ADAM18: variants seen among roughly 807,000 people sequenced by gnomAD.
ADAM18 encodes disintegrin and metalloproteinase domain-containing protein 18.
A neutral mutation model predicts 94.4 loss-of-function variants in ADAM18; 117 were observed. That is an observed-to-expected ratio of 1.24 (90% CI 1.07 to 1.45). The LOEUF (loss-of-function observed/expected upper bound fraction) is 1.45, where lower values mean the gene tolerates loss of function less well. ADAM18 is among the 40% of genes most tolerant of loss of function. ADAM18 has a pLI of 0.00. For synonymous variants in ADAM18, 327 were observed against 291.6 expected, an observed-to-expected ratio of 1.12 and a Z score of -1.24; for missense variants, 936 against 880.0, an observed-to-expected ratio of 1.06 and a Z score of -0.81.
chr8:39,597,011 G>T (rs916593685), intron 2 of ADAM18, among the ~76,000 whole-genome samples: 1 of 152,254 alleles, frequency 6.6e-6, no homozygotes, highest in South Asian at 2.1e-4. Context: ...CCTTATGGAT[G>T]CACAGCCTCC....
At chr8:39,672,250 A>G (rs1821177044) in intron 14 of ADAM18, among the ~76,000 whole-genome samples, 1 of 152,192 alleles carries the variant, frequency 6.6e-6, no homozygotes, top group South Asian at 2.1e-4. Context: ...TGCTAGAGAA[A>G]GGGATACCAT....
In ADAM18 at chr8:39,680,882, C is replaced by T. The variant is rs111702101; in HGVS notation, c.1821+656C>T. 2.5e-3 allele frequency among the ~76,000 whole-genome samples: 382 copies of T among 152,134 alleles called. 4 individuals are homozygous for T. The highest frequency in any genetic ancestry group is 8.7e-3 in the African/African-American group (362 of 41,510). Reference sequence around the variant, plus strand: ...AATGTCATTTGGTGCTTATTTGATGCGTAAAAATAAAACAAAACCTAGAAA... The same window carrying T: ...AATGTCATTTGGTGCTTATTTGATGTGTAAAAATAAAACAAAACCTAGAAA... On this transcript the variant is annotated intron_variant, in intron 16 of 19. Coordinates refer to ENST00000265707, the MANE Select transcript of ADAM18 (RefSeq NM_014237.3).
At chr8:39,600,335 CTT>C (rs1188665542) in intron 2 of ADAM18, among the ~76,000 whole-genome samples, 1 of 152,072 alleles carries the variant, frequency 6.6e-6, no homozygotes, top group East Asian at 1.9e-4. Context: ...TATCTAAAAA[CTT>C]GAGAAGTTGT....
intron 16 of ADAM18, among the ~76,000 whole-genome samples, chr8:39,682,644 C>T (rs75875171): frequency 6.6e-6 from 1 of 151,980 alleles, no homozygotes; most frequent in Non-Finnish European, 1.5e-5. Context: ...AATCCCCCCC[C>T]ACACACACTT....
At chr8:39,640,559 G>C (rs1820208994) in intron 10 of ADAM18, among the ~76,000 whole-genome samples, 1 of 152,104 alleles carries the variant, frequency 6.6e-6, no homozygotes, top group South Asian at 2.1e-4. Context: ...TGGGATTCAT[G>C]AGTCAAATGG....
chr8:39,611,046 C>T lies in ADAM18; in HGVS notation c.522+340C>T, dbSNP rs1220343302. ...AATATTTTGTTATATATCTTACATA[C>T]TACCTGAACATATCTTTCTAAAATG... On this transcript the variant is annotated intron_variant, in intron 6 of 19. Coordinates refer to ENST00000265707, the MANE Select transcript of ADAM18 (RefSeq NM_014237.3). The T allele has an allele frequency of 2.9e-6, 3 of 1,042,266 alleles. No individual in the cohort carries two copies. In the African/African-American group the frequency reaches 5.0e-5, roughly 17 times the overall value. 64.6% of individuals were successfully genotyped at this position (1,042,266 alleles called of 1,614,324 possible). A position where few individuals can be genotyped will look rare whatever the true frequency, so the allele number is the denominator to read the frequency against.
At chr8:39,613,791 A>G (rs1382329382) in intron 6 of ADAM18, among the ~76,000 whole-genome samples, 2 of 152,232 alleles carry the variant, frequency 1.3e-5, no homozygotes, top group African/African-American at 4.8e-5. Flanking sequence ...TCAAACTGCT[A>G]TAATAAAGCT....
chr8:39,677,316 A>G (rs1016247517), intron 14 of ADAM18, 115 bp from the exon 15 acceptor site: 4 of 803,702 alleles, frequency 5.0e-6, no homozygotes, highest in Admixed American at 3.4e-5. Flanking sequence ...ATAGAAACAA[A>G]AGCATGATCA....
At chr8:39,701,709 C>T (rs771265163) in intron 17 of ADAM18, among the ~76,000 whole-genome samples, 19 of 152,068 alleles carry the variant, frequency 1.2e-4, no homozygotes, top group African/African-American at 2.2e-4. Context: ...GTCATCATTT[C>T]GTTCCCACTT....
Position 39,607,169 on chromosome 8 carries a change from A to G in ADAM18, c.188+807A>G, listed in dbSNP as rs1819110236. On this transcript the variant is annotated intron_variant, in intron 3 of 19. Coordinates refer to ENST00000265707, the MANE Select transcript of ADAM18 (RefSeq NM_014237.3). ...TAAAGTATAAAGTTCAATAATTTTA[A>G]TGAATTTGTGCACTGTTGCCACCAT... Among the ~76,000 whole-genome samples the G allele has an allele frequency of 1.3e-5, 2 of 152,202 alleles. 1 individual carries two copies. Among genetic ancestry groups the G allele is most frequent in the South Asian group, 4.1e-4 (2 of 4,830 alleles).
At chr8:39,691,965 C>CTGT (rs1821795586) in intron 16 of ADAM18, among the ~76,000 whole-genome samples, 1 of 151,594 alleles carries the variant, frequency 6.6e-6, no homozygotes, top group African/African-American at 2.4e-5. Flanking sequence ...TTGTGAACGA[C>CTGT]TTAAACAGAT....
chr8:39,598,314 G>T (rs1818799764), intron 2 of ADAM18, among the ~76,000 whole-genome samples: 1 of 151,890 alleles, frequency 6.6e-6, no homozygotes, highest in African/African-American at 2.4e-5. Flanking sequence ...AGCTATCTGT[G>T]CCTTGATCCT....
rs1315054070 is a variant in ADAM18, at chr8:39,584,697, C to T, written c.55+20C>T. 1 of 1,611,606 alleles carries T rather than the reference C, an allele frequency of 6.2e-7. No homozygotes were observed. ...ACGAAGGTAAGTCCATGGGAGCCTC[C>T]CCTTTCTTCTTCGACTTTATAGCTG... is the stretch of plus-strand genomic sequence containing the variant. On this transcript the variant is annotated intron_variant, in intron 1 of 19. Coordinates refer to ENST00000265707, the MANE Select transcript of ADAM18 (RefSeq NM_014237.3).
chr8:39,696,971 GAC>G (rs1406854973), intron 17 of ADAM18, among the ~76,000 whole-genome samples: 2 of 151,422 alleles, frequency 1.3e-5, no homozygotes, highest in East Asian at 3.9e-4. Context: ...TTGTCATCTT[GAC>G]AATATTAAGT....
chr8:39,641,922 G>A (rs1820250406), intron 10 of ADAM18, among the ~76,000 whole-genome samples: 2 of 152,014 alleles, frequency 1.3e-5, no homozygotes, highest in African/African-American at 4.8e-5. Context: ...TCCAGCATCT[G>A]TTATTTTTTG....
chr8:39,719,979 A>G (rs1396314185), intron 18 of ADAM18, among the ~76,000 whole-genome samples: 4 of 151,490 alleles, frequency 2.6e-5, no homozygotes, highest in African/African-American at 9.7e-5. Context: ...AATAGATAAA[A>G]TCTGGTAACA....
At chr8:39,692,503 C>A in intron 16 of ADAM18, 97 bp from the exon 17 acceptor site, 1 of 522,526 alleles carries the variant, frequency 1.9e-6, no homozygotes, top group Non-Finnish European at 3.2e-6. Context: ...AGTCTTTCAA[C>A]TTAAGCATCT....
intron 6 of ADAM18, among the ~76,000 whole-genome samples, chr8:39,627,317 G>A (rs952923460): frequency 1.3e-5 from 2 of 151,998 alleles, no homozygotes; most frequent in African/African-American, 2.4e-5. Context: ...TTGGGCAAGG[G>A]AACTCCCGCA....
chr8:39,646,602 T>G (rs1820384464), intron 11 of ADAM18, among the ~76,000 whole-genome samples: 1 of 152,140 alleles, frequency 6.6e-6, no homozygotes, highest in African/African-American at 2.4e-5. Flanking sequence ...GCTATCAGCC[T>G]TTAGCAACTG....
Sources: gnomAD v4.1 joint callset for allele counts (sites outside exome capture counted in the v4.1 genomes callset) on GRCh38, gnomAD v4.1.1 for gene constraint, MANE v1.5 for transcripts, NCBI Gene and HGNC (gene_info 2026-07-23, HGNC 2026-07-21) for gene names.